The following PCDHGC5 variants were observed in gnomAD, a reference collection of about 807,000 sequenced individuals.
PCDHGC5 encodes protocadherin gamma subfamily C, 5, also known as protocadherin gamma-C5.
In PCDHGC5, 25 loss-of-function variants were observed where a neutral mutation model predicts 59.0. The observed-to-expected ratio is 0.42, with a 90% CI of 0.31 to 0.59. The LOEUF is 0.59. PCDHGC5 is among the 20% of genes least tolerant of loss of function. The pLI is 0.13. For synonymous variants in PCDHGC5, 434 were observed against 505.5 expected, an observed-to-expected ratio of 0.86 and a Z score of 1.90; for missense variants, 1,067 against 1,206.4, an observed-to-expected ratio of 0.88 and a Z score of 1.71.
rs11952292 is a variant in PCDHGC5 at position 141,491,682 on chromosome 5, G to T, written c.2442G>T (p.Thr814=). The T allele has an allele frequency of 0.072, 115,891 of 1,613,112 alleles. 4,572 individuals carry two copies. The highest frequency in any genetic ancestry group is 0.11 in the South Asian group (9,996 of 91,042). ...ACGCCATCCGGTCCCGCTCTAATAC[G>T]CTGCGGGAGCGGAGCCAGGTGAGGG... ...EPDAIRSRSN[T]LRERSQQAPP... Residue 814 remains threonine (T), a synonymous_variant, in exon 1 of 4, where the codon ACG becomes ACT. Coordinates refer to ENST00000252087, the MANE Select transcript of PCDHGC5 (RefSeq NM_018929.3). The surrounding 1 kb of genome is among the most constrained non-coding windows in gnomAD (Gnocchi z 6.9).
chr5:141,497,003 A>C (rs928317358), intron 2 of PCDHGC5, among the ~76,000 whole-genome samples: 2 of 152,148 alleles, frequency 1.3e-5, no homozygotes, highest in African/African-American at 4.8e-5. Context: ...CTGGCAGCCA[A>C]CATGGTGAAA....
intron 2 of PCDHGC5, among the ~76,000 whole-genome samples, chr5:141,499,496 T>C (rs1167360015): frequency 6.6e-6 from 1 of 152,182 alleles, no homozygotes; most frequent in East Asian, 1.9e-4. Flanking sequence ...CAGTTTAATA[T>C]GAAACATTTC....
At chr5:141,496,581 C>T (rs868326584) in intron 2 of PCDHGC5, among the ~76,000 whole-genome samples, 9 of 152,134 alleles carry the variant, frequency 5.9e-5, no homozygotes, top group African/African-American at 1.9e-4. Flanking sequence ...ATTTTAGGAA[C>T]GCAAAGCGCT....
rs13178808 is a variant in PCDHGC5 at position 141,491,920 on chromosome 5, G to A, written c.2460+220G>A. 1.2e-4 allele frequency: 164 copies of A among 1,356,270 alleles called. No individual in the cohort carries two copies. Among genetic ancestry groups the A allele is most frequent in the Non-Finnish European group, 1.5e-4 (155 of 1,015,194 alleles). The allele number at this position is 1,356,270 out of a possible 1,614,324, so 84.0% of individuals were successfully genotyped here. On this transcript the variant is annotated intron_variant, in intron 1 of 3. Transcript: ENST00000252087. This position sits in a 1 kb window ranked among gnomAD's most constrained non-coding sequence, Gnocchi z 6.9. ...ACCGGGGGTGGTGGCGACTGTGGGC[G>A]AGGGGAGGTGGGACCGACCCCCACC...
rs149806642 is a variant in PCDHGC5 at position 141,502,449 on chromosome 5, A to T, written c.2520-2944A>T. 7.7e-3 allele frequency among the ~76,000 whole-genome samples: 1,166 copies of T among 151,886 alleles called. 15 individuals carry two copies. The highest frequency in any genetic ancestry group is 0.027 in the African/African-American group (1,103 of 41,308). On this transcript the variant is annotated intron_variant, in intron 2 of 3. Coordinates refer to ENST00000252087, the MANE Select transcript of PCDHGC5 (RefSeq NM_018929.3). The stretch of plus-strand genomic sequence containing the variant: ...TCTGATGGTTAGATTCAGATTACAC[A>T]CCTTGGTAGGAATACTTCCCGCAGC...
rs200491568 is a variant in PCDHGC5, at chr5:141,493,146, G to A, written c.2460+1446G>A. 9.6e-6 allele frequency among the ~76,000 whole-genome samples: 1 copy of A among 104,172 alleles called. No homozygotes were observed. The highest frequency in any genetic ancestry group is 3.1e-5 in the African/African-American group (1 of 32,680). 68.3% of individuals were successfully genotyped at this position (104,172 alleles called of 152,430 possible). A position where few individuals can be genotyped will look rare whatever the true frequency, so the allele number is the denominator to read the frequency against. On this transcript the variant is annotated intron_variant, in intron 1 of 3. Transcript: ENST00000252087. The surrounding 1 kb of genome is among the most constrained non-coding windows in gnomAD (Gnocchi z 4.3). ...AGGACTGTATTTTGAAACACCCCCA[G>A]GTGATTTTGATAGCTGATTGAGAGA... is the stretch of plus-strand genomic sequence containing the variant.
chr5:141,502,028 G>A (rs561260963), intron 2 of PCDHGC5, among the ~76,000 whole-genome samples: 62 of 152,150 alleles, frequency 4.1e-4, no homozygotes, highest in African/African-American at 1.5e-3. Flanking sequence ...TGCAACCCCC[G>A]CCGCTTGCCT....
At chr5:141,502,488 T>A (rs1273845698) in intron 2 of PCDHGC5, among the ~76,000 whole-genome samples, 1 of 152,236 alleles carries the variant, frequency 6.6e-6, no homozygotes, top group Non-Finnish European at 1.5e-5. Context: ...ACACTGGGAC[T>A]CATCTAACGT....
At chr5:141,498,457 G>A (rs1028236637) in intron 2 of PCDHGC5, among the ~76,000 whole-genome samples, 8 of 152,126 alleles carry the variant, frequency 5.3e-5, no homozygotes, top group African/African-American at 1.9e-4. Flanking sequence ...CTTTTATCCA[G>A]TCTAACCCTG....
At chr5:141,499,061 G>A (rs1300036203) in intron 2 of PCDHGC5, among the ~76,000 whole-genome samples, 1 of 151,914 alleles carries the variant, frequency 6.6e-6, no homozygotes, top group African/African-American at 2.4e-5. Flanking sequence ...AAATGAAGAA[G>A]ACTTACATTC....
At position 141,512,350 on chromosome 5, in the gene PCDHGC5, G is replaced by C. The variant is rs1406428686; in HGVS notation, c.*1177G>C. ...CCATTCTTAGTCCCTGGGTTGGGGA[G>C]GCAGGGAGCTAGGGCAGGGACCAAA... is the stretch of plus-strand genomic sequence containing the variant. On this transcript the variant is annotated 3_prime_UTR_variant, in exon 4 of 4. Transcript: ENST00000252087. The C allele has an allele frequency of 6.5e-6, 1 of 152,906 alleles. No homozygotes were observed. The highest frequency in any genetic ancestry group is 1.9e-4 in the East Asian group (1 of 5,208). 9.5% of individuals were successfully genotyped at this position (152,906 alleles called of 1,614,324 possible).
In PCDHGC5 at chr5:141,489,120, G is replaced by C; in HGVS notation, c.-121G>C. The C allele has an allele frequency of 1.1e-5, 5 of 445,662 alleles. No homozygotes were observed. Among genetic ancestry groups the C allele is most frequent in the East Asian group, 3.8e-5 (1 of 26,010 alleles). The allele number at this position is 445,662 out of a possible 1,614,324, so 27.6% of individuals were successfully genotyped here. ...AACTGCTGCAAGCAGGCAAACCTCC[G>C]AGCAGTTTTTAAGAGGCTGGAAGGA... On this transcript the variant is annotated 5_prime_UTR_variant, in exon 1 of 4. Transcript: ENST00000252087. This position sits in a 1 kb window ranked among gnomAD's most constrained non-coding sequence, Gnocchi z 4.5.
At chr5:141,498,361 T>C (rs1256361883) in intron 2 of PCDHGC5, among the ~76,000 whole-genome samples, 1 of 151,460 alleles carries the variant, frequency 6.6e-6, no homozygotes, top group African/African-American at 2.4e-5. Flanking sequence ...GCAAAAGCCT[T>C]GTGGTGAGGC....
intron 2 of PCDHGC5, among the ~76,000 whole-genome samples, chr5:141,496,769 C>T (rs1434587849): frequency 2.0e-5 from 3 of 152,064 alleles, no homozygotes; most frequent in African/African-American, 7.3e-5. Flanking sequence ...CGAGCATCTA[C>T]TATGAGCAGG....
At chr5:141,500,340 C>A (rs188966393) in intron 2 of PCDHGC5, among the ~76,000 whole-genome samples, 92 of 152,066 alleles carry the variant, frequency 6.0e-4, no homozygotes, top group African/African-American at 2.1e-3. Flanking sequence ...TCCAGAATAG[C>A]TGGGACTACA....
intron 2 of PCDHGC5, among the ~76,000 whole-genome samples, chr5:141,503,685 G>A (rs1171934407): frequency 2.6e-5 from 4 of 151,882 alleles, no homozygotes; most frequent in African/African-American, 9.7e-5. Context: ...TTGGGAAGGA[G>A]AATTGAGATT....
chr5:141,511,147 A>T lies in PCDHGC5; in HGVS notation c.2809A>T (p.Lys937Ter). The change falls in exon 4 of 4, where the codon AAG becomes TAG. Residue 937 changes from lysine to a stop codon, truncating the protein, a stop_gained. Coordinates refer to ENST00000252087, the MANE Select transcript of PCDHGC5 (RefSeq NM_018929.3). LOFTEE classifies it high-confidence loss of function. Reference sequence around the variant, plus strand: ...AGCAGGTGGCAATGGCAACAAGAAGAAGTCGGGCAAGAAGGAGAAGAAGTA... The same window carrying T: ...AGCAGGTGGCAATGGCAACAAGAAGTAGTCGGGCAAGAAGGAGAAGAAGTA... The part of the protein sequence containing the change: ...APAGGNGNKK[K>*]SGKKEKK 1 of 1,614,188 alleles carries T rather than the reference A, an allele frequency of 6.2e-7. No homozygotes were observed. Among genetic ancestry groups the T allele is most frequent in the East Asian group, 2.2e-5 (1 of 44,876 alleles).
In PCDHGC5 at chr5:141,489,456, G is replaced by A. The variant is rs1468723020; in HGVS notation, c.216G>A (p.Gly72=). The A allele has an allele frequency of 1.2e-6, 2 of 1,614,050 alleles. No homozygotes were observed. Among genetic ancestry groups the A allele is most frequent in the Non-Finnish European group, 1.7e-6 (2 of 1,180,016 alleles). ...TGCAATTGGGCTCTGAGGAGAATGG[G>A]CGCTATTTTTCCCTGAGCTTGATGA... The part of the protein sequence containing the change: ...RRLQLGSEEN[G]RYFSLSLMSG... The change falls in exon 1 of 4, where the codon GGG becomes GGA. Residue 72 remains glycine (G), a synonymous_variant. Transcript: ENST00000252087. This position sits in a 1 kb window ranked among gnomAD's most constrained non-coding sequence, Gnocchi z 4.5.
At position 141,491,651 on chromosome 5, in the gene PCDHGC5, A is replaced by G. The variant is rs1379494110; in HGVS notation, c.2411A>G (p.Glu804Gly). 1.9e-6 allele frequency: 3 copies of G among 1,613,796 alleles called. 1 individual carries two copies. ...SVQQPTALAL[E>G]PDAIRSRSNT... ...CAGCAGCCCACAGCTCTGGCGCTGGAGCCTGACGCCATCCGGTCCCGCTCT... is the reference window on the plus strand; with the variant it reads ...CAGCAGCCCACAGCTCTGGCGCTGGGGCCTGACGCCATCCGGTCCCGCTCT... Residue 804 changes from glutamate (E) to glycine (G), a missense_variant, in exon 1 of 4, where the codon GAG becomes GGG. Glu to Gly is a moderately conservative substitution (Grantham distance 98). Coordinates refer to ENST00000252087, the MANE Select transcript of PCDHGC5 (RefSeq NM_018929.3). The surrounding 1 kb of genome is among the most constrained non-coding windows in gnomAD (Gnocchi z 6.9).
Sources: gnomAD v4.1 joint callset for allele counts (sites outside exome capture counted in the v4.1 genomes callset) on GRCh38, gnomAD v4.1.1 for gene constraint, Gnocchi (gnomAD v3.1) non-coding constraint, MANE v1.5 for transcripts, NCBI Gene and HGNC (gene_info 2026-07-23, HGNC 2026-07-21) for gene names.